Variants in ANHX observed in about 807,000 individuals in gnomAD.
ANHX encodes the protein anomalous homeobox, also known as anomalous homeobox protein.
In ANHX, 20 loss-of-function variants were observed where a neutral mutation model predicts 38.9. That is an observed-to-expected ratio of 0.51 (90% CI 0.36 to 0.75). The LOEUF is 0.75. Ranked by LOEUF, ANHX falls within the 30% of genes least tolerant of loss-of-function variation. ANHX has a pLI of 0.00. For synonymous variants in ANHX, 185 were observed against 203.1 expected, an observed-to-expected ratio of 0.91 and a Z score of 0.76; for missense variants, 475 against 493.1, an observed-to-expected ratio of 0.96 and a Z score of 0.35.
At chr12:133,223,880 G>C (rs148805543) in intron 7 of ANHX, among the ~76,000 whole-genome samples, 181 of 152,072 alleles carry the variant, frequency 1.2e-3, no homozygotes, top group Non-Finnish European at 2.2e-3. Flanking sequence ...AAGAATCTAA[G>C]AGCTCCAAAA....
In ANHX at chr12:133,218,860, G is replaced by A. The variant is rs1365145222; in HGVS notation, c.*25C>T. The A allele has an allele frequency of 3.4e-6, 5 of 1,476,574 alleles. No homozygotes were observed. In the African/African-American group the frequency reaches 4.2e-5, roughly 12 times the overall value. 91.5% of individuals were successfully genotyped at this position (1,476,574 alleles called of 1,614,324 possible). A position where few individuals can be genotyped will look rare whatever the true frequency, so the allele number is the denominator to read the frequency against. On this transcript the variant is annotated 3_prime_UTR_variant, in exon 10 of 10. Transcript: ENST00000545940. ...ACCATCCACACCCGCTCCTCCTGGG[G>A]TGCTGTCTGGCTCCTGGGGATAGCT... is the stretch of plus-strand genomic sequence containing the variant.
At chr12:133,233,824 T>G (rs1957321673) in intron 2 of ANHX, among the ~76,000 whole-genome samples, 1 of 152,232 alleles carries the variant, frequency 6.6e-6, no homozygotes, top group African/African-American at 2.4e-5. Context: ...TTTTATTCAC[T>G]CACTTTATTG....
rs1360965908 is a variant in ANHX at position 133,234,379 on chromosome 12, C to G, written c.-22-1G>C. 2.0e-6 allele frequency: 3 copies of G among 1,523,440 alleles called. No individual in the cohort carries two copies. The East Asian group carries it at 7.4e-5, about 38-fold the overall frequency. The allele number at this position is 1,523,440 out of a possible 1,614,324, so 94.4% of individuals were successfully genotyped here. Reference sequence around the variant, plus strand: ...CATCCTGTGCTGGGTCGTGGCCACTCTGCCAACACAAACAGTCACAAGAAT... The same window carrying G: ...CATCCTGTGCTGGGTCGTGGCCACTGTGCCAACACAAACAGTCACAAGAAT... On this transcript the variant is annotated splice_acceptor_variant, in intron 1 of 9. Transcript: ENST00000545940. LOFTEE classifies it low-confidence loss of function (5UTR_SPLICE).
intron 7 of ANHX, among the ~76,000 whole-genome samples, chr12:133,225,314 T>TACACACACAC (rs36198127): frequency 1.7e-3 from 240 of 141,578 alleles, no homozygotes; most frequent in African/African-American, 5.7e-3. Flanking sequence ...TATGCATACA[T>TACACACACAC]ACACACACAC....
intron 5 of ANHX, 72 bp downstream of exon 5, chr12:133,226,863 AC>A: frequency 7.3e-7 from 1 of 1,361,814 alleles, no homozygotes; most frequent in South Asian, 1.5e-5. Flanking sequence ...AAGCAGTGTG[AC>A]TACCTAGGCC....
At position 133,231,560 on chromosome 12, in the gene ANHX, C is replaced by T. The variant is rs761611199; in HGVS notation, c.334G>A (p.Val112Met). The T allele has an allele frequency of 1.8e-5, 28 of 1,536,032 alleles. No homozygotes were observed. Among genetic ancestry groups the T allele is most frequent in the African/African-American group, 1.4e-4 (10 of 73,064 alleles). The change falls in exon 3 of 10, where the codon GTG becomes ATG. Residue 112 changes from valine to methionine, a missense_variant. Coordinates refer to ENST00000545940, the MANE Select transcript of ANHX (RefSeq NM_001372060.1). ...TTCTGCACCGGGGTGAGCGCAGCCA[C>T]GCCCAGCCTCCTCATGACCAGACGG... is the stretch of plus-strand genomic sequence containing the variant. ...HYRLVMRRLG[V>M]AALTPVQKFR...
intron 8 of ANHX, among the ~76,000 whole-genome samples, chr12:133,220,671 G>A (rs959802310): frequency 3.3e-5 from 5 of 151,856 alleles, no homozygotes; most frequent in African/African-American, 7.3e-5. Context: ...TGGCGGGTGC[G>A]ATAGCCTCCC....
At chr12:133,232,698 G>A (rs1034295528) in intron 2 of ANHX, among the ~76,000 whole-genome samples, 1 of 152,204 alleles carries the variant, frequency 6.6e-6, no homozygotes, top group Non-Finnish European at 1.5e-5. Context: ...TTCCTCTGCA[G>A]GGGGTTTTCA....
intron 7 of ANHX, among the ~76,000 whole-genome samples, chr12:133,224,662 CAAAAA>C (rs371166940): frequency 9.2e-5 from 7 of 76,422 alleles, no homozygotes; most frequent in Admixed American, 3.1e-4. Flanking sequence ...GACTCCATCT[CAAAAA>C]AAAAAAAAAA....
At chr12:133,229,981 A>G (rs1353724529) in intron 3 of ANHX, among the ~76,000 whole-genome samples, 1 of 152,138 alleles carries the variant, frequency 6.6e-6, no homozygotes, top group African/African-American at 2.4e-5. Flanking sequence ...CTGACACATC[A>G]CCATACTCAA....
At chr12:133,227,399 CCT>C (rs542150352) in intron 4 of ANHX, among the ~76,000 whole-genome samples, 52 of 152,372 alleles carry the variant, frequency 3.4e-4, no homozygotes, top group East Asian at 1.5e-3. Flanking sequence ...TGCACGTCCC[CCT>C]GAGTGGGGCC....
rs532661509 is a variant in ANHX at position 133,227,083 on chromosome 12, G to A, written c.571C>T (p.Arg191Cys). The change falls in exon 5 of 10, where the codon CGC becomes TGC. Residue 191 changes from arginine to cysteine, a missense_variant. Arg to Cys is a radical substitution (Grantham distance 180, BLOSUM62 -3). Transcript: ENST00000545940. ...VYNWFANYRR[R>C]QRALPQHMKP... The stretch of plus-strand genomic sequence containing the variant: ...ATGTGCTGGGGAAGGGCTCTTTGGC[G>A]GCGCCGGTAATTGGCAAACCAGTTG... 10 of 1,536,058 alleles carry A rather than the reference G, an allele frequency of 6.5e-6. No homozygotes were observed. Among genetic ancestry groups the A allele is most frequent in the African/African-American group, 2.7e-5 (2 of 73,156 alleles).
chr12:133,219,429 C>T, intron 8 of ANHX, 62 bp from the exon 9 acceptor site: 1 of 1,167,236 alleles, frequency 8.6e-7, no homozygotes, highest in East Asian at 2.6e-5. Flanking sequence ...TGACAAAATC[C>T]ACCCAGCTGT....
At position 133,218,497 on chromosome 12, in the gene ANHX, C is replaced by G. The variant is rs1957065541; in HGVS notation, c.*388G>C. On this transcript the variant is annotated 3_prime_UTR_variant, in exon 10 of 10. Coordinates refer to ENST00000545940, the MANE Select transcript of ANHX (RefSeq NM_001372060.1). ...ATCTCAGAACACTCCTCATACCTCA[C>G]TCAGTTAACTTGGTGGAAAAGTCTG... 6.1e-6 allele frequency: 1 copy of G among 163,770 alleles called. No individual in the cohort carries two copies. Among genetic ancestry groups the G allele is most frequent in the African/African-American group, 2.4e-5 (1 of 41,820 alleles). 10.1% of individuals were successfully genotyped at this position (163,770 alleles called of 1,614,324 possible).
In ANHX at chr12:133,219,183, G is replaced by A. The variant is rs900366233; in HGVS notation, c.1365+100C>T. 59 of 1,149,798 alleles carry A rather than the reference G, an allele frequency of 5.1e-5. No homozygotes were observed. The African/African-American group carries it at 7.2e-4, about 14-fold the overall frequency. The allele number at this position is 1,149,798 out of a possible 1,614,324, so 71.2% of individuals were successfully genotyped here. On this transcript the variant is annotated intron_variant, in intron 9 of 9. Transcript: ENST00000545940. ...TGCCCCTTGTTTATCTTTGCCTGGTGTATTCACTCCAGTGGCACTAGCTGA... is the reference window on the plus strand; with the variant it reads ...TGCCCCTTGTTTATCTTTGCCTGGTATATTCACTCCAGTGGCACTAGCTGA...
chr12:133,227,528 G>A (rs1957206065), intron 4 of ANHX, among the ~76,000 whole-genome samples: 1 of 152,240 alleles, frequency 6.6e-6, no homozygotes, highest in Non-Finnish European at 1.5e-5. Context: ...TGGAGAGCAT[G>A]TCAGCTGGCA....
intron 8 of ANHX, 80 bp from the exon 9 acceptor site, chr12:133,219,447 C>T (rs36130280): frequency 0.59 from 566,517 of 952,660 alleles, 176,187 homozygotes; most frequent in East Asian, 0.92. Flanking sequence ...TGTGCTTTCT[C>T]CCTCATCAGG....
At chr12:133,219,588 A>T (rs533500535) in intron 8 of ANHX, among the ~76,000 whole-genome samples, 1 of 152,190 alleles carries the variant, frequency 6.6e-6, no homozygotes, top group Non-Finnish European at 1.5e-5. Flanking sequence ...GGGCAACTGC[A>T]CAGAGGGCTC....
chr12:133,219,006 C>T lies in ANHX; in HGVS notation c.1366-35G>A, dbSNP rs992096652. Reference sequence around the variant, plus strand: ...AACACAGTGGTAAACACAGAGGCTTCCTTTCCAGGCTCAAGACCTGCCCTC... The same window carrying T: ...AACACAGTGGTAAACACAGAGGCTTTCTTTCCAGGCTCAAGACCTGCCCTC... On this transcript the variant is annotated intron_variant, in intron 9 of 9. Transcript: ENST00000545940. 1.3e-5 allele frequency: 19 copies of T among 1,504,508 alleles called. No individual in the cohort carries two copies. In the African/African-American group the frequency reaches 2.5e-4, roughly 20 times the overall value. 93.2% of individuals were successfully genotyped at this position (1,504,508 alleles called of 1,614,324 possible). A position where few individuals can be genotyped will look rare whatever the true frequency, so the allele number is the denominator to read the frequency against.
Sources: gnomAD v4.1 joint callset for allele counts (sites outside exome capture counted in the v4.1 genomes callset) on GRCh38, gnomAD v4.1.1 for gene constraint, MANE v1.5 for transcripts, NCBI Gene and HGNC (gene_info 2026-07-23, HGNC 2026-07-21) for gene names.